Variants in ELP2 observed in about 807,000 individuals in gnomAD.
ELP2 encodes the protein elongator acetyltransferase complex subunit 2, also known as elongator complex protein 2.
In ELP2, 90 loss-of-function variants were observed where a neutral mutation model predicts 119.2. The observed-to-expected ratio is 0.75, with a 90% CI of 0.64 to 0.90. ELP2 has a LOEUF of 0.90. Among genes scored for constraint, ELP2 ranks in the 40% least tolerant of loss-of-function variants. The pLI, the probability that ELP2 is intolerant of heterozygous loss-of-function variation, is 0.00. For missense variants in ELP2, 921 were observed against 967.8 expected (o/e 0.95, Z 0.64); for synonymous variants, 339 against 331.0 (o/e 1.02, Z -0.26).
chr18:36,156,961 G>C (rs1445692644), intron 13 of ELP2, among the ~76,000 whole-genome samples: 3 of 152,190 alleles, frequency 2.0e-5, no homozygotes, highest in Non-Finnish European at 4.4e-5. Context: ...GATGGATACT[G>C]TTTTCAAGGA....
chr18:36,135,946 T>A (rs372186387), intron 2 of ELP2, among the ~76,000 whole-genome samples: 2 of 152,200 alleles, frequency 1.3e-5, no homozygotes, highest in African/African-American at 4.8e-5. Flanking sequence ...ACTGAGAGAA[T>A]TGGGACATTT....
intron 21 of ELP2, among the ~76,000 whole-genome samples, chr18:36,171,938 T>A (rs900095010): frequency 6.6e-6 from 1 of 152,198 alleles, no homozygotes; most frequent in African/African-American, 2.4e-5. Context: ...CAGGCTGGTC[T>A]CCATATCCTG....
At position 36,136,382 on chromosome 18, in the gene ELP2, G is replaced by A. The variant is rs1169433901; in HGVS notation, c.288+5G>A. On this transcript the variant is annotated splice_donor_5th_base_variant and intron_variant, in intron 3 of 21. Coordinates refer to ENST00000358232, the MANE Select transcript of ELP2 (RefSeq NM_018255.4). ...TGGGAAATAGAGGATAATCAGGTGA[G>A]TGGACATGTTTATAATCAAGAAATG... The A allele has an allele frequency of 1.3e-6, 2 of 1,598,548 alleles. No individual in the cohort carries two copies. Among genetic ancestry groups the A allele is most frequent in the Non-Finnish European group, 8.6e-7 (1 of 1,165,864 alleles).
Position 36,156,659 on chromosome 18 carries a change from GTAT to G in ELP2, c.1464+7_1464+9del. 1 of 1,612,662 alleles carries G rather than the reference GTAT, an allele frequency of 6.2e-7. No homozygotes were observed. The highest frequency in any genetic ancestry group is 1.1e-5 in the South Asian group (1 of 91,032). Reference sequence around the variant, plus strand: ...CTGAATCATGTGCTCTGTAATGTGAGTATTTCTCTAAATATTTTACCTAAATCT... The same window carrying G: ...CTGAATCATGTGCTCTGTAATGTGAGTTCTCTAAATATTTTACCTAAATCT... On this transcript the variant is annotated splice_donor_region_variant and intron_variant, in intron 13 of 21. Transcript: ENST00000358232.
Position 36,130,322 on chromosome 18 carries a change from C to G in ELP2, c.138+251C>G, listed in dbSNP as rs948873953. On this transcript the variant is annotated intron_variant, in intron 1 of 21. Transcript: ENST00000358232. ...ATGAGCTGCTAGTAACCTGTTAGTC[C>G]CACGCAGAAACCCGAATGATAAGCA... Among the ~76,000 whole-genome samples the G allele has an allele frequency of 3.9e-5, 6 of 152,298 alleles. No individual in the cohort carries two copies. The South Asian group carries it at 1.2e-3, about 32-fold the overall frequency.
At chr18:36,131,402 T>C (rs531134211) in intron 1 of ELP2, among the ~76,000 whole-genome samples, 116 of 152,300 alleles carry the variant, frequency 7.6e-4, no homozygotes, top group South Asian at 2.1e-3. Context: ...CTCCATCATC[T>C]CCCACAGCGT....
intron 21 of ELP2, among the ~76,000 whole-genome samples, chr18:36,171,898 T>C (rs548757509): frequency 3.1e-4 from 47 of 152,274 alleles, no homozygotes; most frequent in African/African-American, 1.1e-3. Context: ...TTTTGTATTT[T>C]TAGTAGAGAC....
In ELP2 at chr18:36,139,581, G is replaced by T; in HGVS notation, c.523+709G>T. On this transcript the variant is annotated intron_variant, in intron 5 of 21. Transcript: ENST00000358232. ...CTGCACACATTCTGGCATCATAACAGAATTTCATTTCTTCCATCTGCATTC... is the reference window on the plus strand; with the variant it reads ...CTGCACACATTCTGGCATCATAACATAATTTCATTTCTTCCATCTGCATTC... 2.0e-6 allele frequency: 3 copies of T among 1,534,888 alleles called. No homozygotes were observed. The South Asian group carries it at 3.6e-5, about 18-fold the overall frequency.
intron 11 of ELP2, among the ~76,000 whole-genome samples, chr18:36,149,587 A>G (rs1001144934): frequency 6.6e-6 from 1 of 151,162 alleles, no homozygotes; most frequent in Non-Finnish European, 1.5e-5. Context: ...AGAAAAAATA[A>G]ATTAAAAAAA....
At chr18:36,171,260 C>T (rs1246964795) in intron 21 of ELP2, 100 bp downstream of exon 21, 1 of 786,532 alleles carries the variant, frequency 1.3e-6, no homozygotes, top group Non-Finnish European at 2.2e-6. Flanking sequence ...GGACATATAT[C>T]TGTATTCGTC....
intron 18 of ELP2, among the ~76,000 whole-genome samples, chr18:36,166,332 T>TTTTG (rs2090902546): frequency 8.3e-6 from 1 of 119,932 alleles, no homozygotes; most frequent in South Asian, 3.2e-4. Flanking sequence ...TTTTTTTTTT[T>TTTTG]TTTTTTTTTT....
At chr18:36,165,462 CTCTT>C (rs1568021063) in intron 18 of ELP2, among the ~76,000 whole-genome samples, 1 of 152,158 alleles carries the variant, frequency 6.6e-6, no homozygotes, top group South Asian at 2.1e-4. Flanking sequence ...TATTTCTGGT[CTCTT>C]TGTTTCTTGT....
intron 5 of ELP2, chr18:36,139,368 T>G: frequency 6.7e-7 from 1 of 1,493,556 alleles, no homozygotes; most frequent in Non-Finnish European, 9.0e-7. Flanking sequence ...TTGAGTATCT[T>G]CTACAAAGAT....
intron 3 of ELP2, 47 bp from the exon 4 acceptor site, chr18:36,138,220 TAAA>T: frequency 6.4e-7 from 1 of 1,571,962 alleles, no homozygotes; most frequent in Non-Finnish European, 8.7e-7. Flanking sequence ...TAAATAAAGG[TAAA>T]AAAAATCCTT....
chr18:36,132,336 C>T (rs568663339), intron 1 of ELP2, among the ~76,000 whole-genome samples: 196 of 152,284 alleles, frequency 1.3e-3, no homozygotes, highest in Middle Eastern at 3.4e-3. Context: ...TGAGTGATAA[C>T]GCGCGTGGCC....
At chr18:36,134,020 C>CG (rs2089739280) in intron 2 of ELP2, among the ~76,000 whole-genome samples, 1 of 143,240 alleles carries the variant, frequency 7.0e-6, no homozygotes, top group Admixed American at 7.6e-5. Context: ...CACCATTCTC[C>CG]TGCCTTGCTC....
At position 36,174,835 on chromosome 18, in the gene ELP2, T is replaced by A. The variant is rs1009912077; in HGVS notation, c.*194T>A. 5.2e-6 allele frequency: 3 copies of A among 575,076 alleles called. No homozygotes were observed. In the African/African-American group the frequency reaches 5.6e-5, roughly 11 times the overall value. The allele number at this position is 575,076 out of a possible 1,614,324, so 35.6% of individuals were successfully genotyped here. ...CTTCAGCCTCCTGAGTAGCTGGGAC[T>A]AGAGGCACACCACCAATTCCGGCTA... On this transcript the variant is annotated 3_prime_UTR_variant, in exon 22 of 22. Transcript: ENST00000358232.
At chr18:36,154,769 C>T in intron 11 of ELP2, 81 bp from the exon 12 acceptor site, 2 of 1,527,362 alleles carry the variant, frequency 1.3e-6, no homozygotes, top group East Asian at 4.5e-5. Flanking sequence ...CTTTAGTCTT[C>T]TCTGTTATCA....
At chr18:36,154,064 G>A (rs1340508096) in intron 11 of ELP2, among the ~76,000 whole-genome samples, 1 of 143,916 alleles carries the variant, frequency 6.9e-6, no homozygotes, top group Non-Finnish European at 1.5e-5. Flanking sequence ...TTTTGTCACA[G>A]GCTTTTTTTT....
Sources: allele counts gnomAD v4.1 joint callset (sites outside exome capture counted in the v4.1 genomes callset), GRCh38; gene constraint gnomAD v4.1.1; transcripts MANE v1.5; gene names NCBI Gene and HGNC (gene_info 2026-07-23, HGNC 2026-07-21).